The following TRARG1 variants were observed in gnomAD, a reference collection of about 807,000 sequenced individuals.
TRARG1 encodes the protein trafficking regulator of GLUT4 1.
TRARG1 carries 16 observed loss-of-function variants against 13.3 expected under a neutral mutation model. The observed-to-expected ratio is 1.20, with a 90% CI of 0.81 to 1.83. The LOEUF (loss-of-function observed/expected upper bound fraction) is 1.83. Among genes scored for constraint, TRARG1 ranks in the 40% most tolerant of loss-of-function variants. The probability of loss-of-function intolerance (pLI) is 0.00; values close to 1 mark genes in which losing one functional copy is unlikely to be tolerated. For synonymous variants in TRARG1, 113 were observed against 106.2 expected (o/e 1.06, Z -0.39); for missense variants, 250 against 237.4 (o/e 1.05, Z -0.35).
At chr17:1,284,964 G>A (rs1350254630) in intron 1 of TRARG1, among the ~76,000 whole-genome samples, 2 of 152,078 alleles carry the variant, frequency 1.3e-5, no homozygotes, top group Non-Finnish European at 2.9e-5. Flanking sequence ...ACAGGCGTGA[G>A]CCACCACACC....
In TRARG1 at chr17:1,279,994, A is replaced by G. The variant is rs1368400979; in HGVS notation, c.-8A>G. ...CTGGAGCTGCAGCCGCGCAAGGCCC[A>G]GGCCCCCATGGCCCACCCGGTGCAG... On this transcript the variant is annotated 5_prime_UTR_variant, in exon 1 of 3. Transcript: ENST00000333813. 4 of 1,606,814 alleles carry G rather than the reference A, an allele frequency of 2.5e-6. No individual in the cohort carries two copies. Among genetic ancestry groups the G allele is most frequent in the Non-Finnish European group, 2.5e-6 (3 of 1,176,510 alleles).
Position 1,282,209 on chromosome 17 carries a change from TGTACGTATACAC to T in TRARG1, c.387+1824_387+1835del, listed in dbSNP as rs146323448. 7.7e-5 allele frequency among the ~76,000 whole-genome samples: 11 copies of T among 143,042 alleles called. 1 individual carries two copies. Among genetic ancestry groups the T allele is most frequent in the South Asian group, 6.8e-4 (3 of 4,392 alleles). 93.8% of individuals were successfully genotyped at this position (143,042 alleles called of 152,430 possible). A position where few individuals can be genotyped will look rare whatever the true frequency, so the allele number is the denominator to read the frequency against. ...ATATGTACGTGTACACGTGCGTATA[TGTACGTATACAC>T]GTGCGTATATGTACGTATATGCACG... On this transcript the variant is annotated intron_variant, in intron 1 of 2. Transcript: ENST00000333813.
At position 1,279,872 on chromosome 17, in the gene TRARG1, C is replaced by G; in HGVS notation, c.-130C>G. On this transcript the variant is annotated 5_prime_UTR_variant, in exon 1 of 3. Coordinates refer to ENST00000333813, the MANE Select transcript of TRARG1 (RefSeq NM_172367.3). The stretch of plus-strand genomic sequence containing the variant: ...ACCCTTCCAGCACCCAGCCGGCCCT[C>G]CGTCTCCTGAGGGACGCCCCTGCCC... 9.0e-7 allele frequency: 1 copy of G among 1,109,418 alleles called. No homozygotes were observed. The highest frequency in any genetic ancestry group is 1.2e-6 in the Non-Finnish European group (1 of 800,666). 68.7% of individuals were successfully genotyped at this position (1,109,418 alleles called of 1,614,324 possible).
At chr17:1,284,425 G>T (rs922605874) in intron 1 of TRARG1, among the ~76,000 whole-genome samples, 1 of 152,188 alleles carries the variant, frequency 6.6e-6, no homozygotes, top group South Asian at 2.1e-4. Flanking sequence ...TCAGTCTGGG[G>T]CAGGGTGAGA....
At chr17:1,285,216 C>A (rs1487180921) in intron 1 of TRARG1, among the ~76,000 whole-genome samples, 1 of 151,914 alleles carries the variant, frequency 6.6e-6, no homozygotes, top group African/African-American at 2.4e-5. Context: ...TCGAGACCAG[C>A]CTGGCTAACA....
Position 1,280,025 on chromosome 17 carries a change from G to T in TRARG1, c.24G>T (p.Glu8Asp). ...CCATGGCCCACCCGGTGCAGTCCGA[G>T]TTTCCTTCAGCACAGGAGCCAGGCT... is the stretch of plus-strand genomic sequence containing the variant. MAHPVQS[E>D]FPSAQEPGSA... The change falls in exon 1 of 3, where the codon GAG (glutamate) becomes GAT (aspartate). Residue 8 changes from glutamate (E) to aspartate (D), a missense_variant. Physicochemically the swap from Glu to Asp is conservative, Grantham distance 45 (BLOSUM62 2). Coordinates refer to ENST00000333813, the MANE Select transcript of TRARG1 (RefSeq NM_172367.3). 1.2e-6 allele frequency: 2 copies of T among 1,612,914 alleles called. No individual in the cohort carries two copies. The highest frequency in any genetic ancestry group is 1.7e-6 in the Non-Finnish European group (2 of 1,179,792).
In TRARG1 at chr17:1,279,790, G is replaced by A. The variant is rs565522015; in HGVS notation, c.-212G>A. 2.3e-5 allele frequency: 12 copies of A among 518,074 alleles called. No individual in the cohort carries two copies. The highest frequency in any genetic ancestry group is 3.8e-5 in the African/African-American group (2 of 52,174). 32.1% of individuals were successfully genotyped at this position (518,074 alleles called of 1,614,324 possible). A position where few individuals can be genotyped will look rare whatever the true frequency, so the allele number is the denominator to read the frequency against. ...TCCAGCGTCTTTCTGGGAGCTCCGCGGGGGCAGCAGGCAGGCCCCAGCCTC... is the reference window on the plus strand; with the variant it reads ...TCCAGCGTCTTTCTGGGAGCTCCGCAGGGGCAGCAGGCAGGCCCCAGCCTC... On this transcript the variant is annotated 5_prime_UTR_variant, in exon 1 of 3. Transcript: ENST00000333813.
intron 1 of TRARG1, among the ~76,000 whole-genome samples, chr17:1,284,523 C>A (rs2072006710): frequency 6.6e-6 from 1 of 152,108 alleles, no homozygotes; most frequent in African/African-American, 2.4e-5. Flanking sequence ...AGGACCAGGG[C>A]CAGGGACAGG....
At chr17:1,297,027 G>A (rs925203059) in intron 2 of TRARG1, among the ~76,000 whole-genome samples, 1 of 152,106 alleles carries the variant, frequency 6.6e-6, no homozygotes, top group Non-Finnish European at 1.5e-5. Flanking sequence ...GGGTCATCCG[G>A]GTCTGAACTG....
At chr17:1,291,847 G>C (rs1479425170) in intron 1 of TRARG1, among the ~76,000 whole-genome samples, 1 of 152,182 alleles carries the variant, frequency 6.6e-6, no homozygotes, top group African/African-American at 2.4e-5. Context: ...TGTGGAGGTT[G>C]ATACTCGAAC....
chr17:1,291,201 C>G (rs570016915), intron 1 of TRARG1, among the ~76,000 whole-genome samples: 3 of 151,406 alleles, frequency 2.0e-5, no homozygotes, highest in African/African-American at 7.3e-5. Flanking sequence ...ACTTCCGCCT[C>G]CCGGGTTCAA....
At chr17:1,294,694 T>G (rs1009888010) in intron 1 of TRARG1, among the ~76,000 whole-genome samples, 3 of 148,810 alleles carry the variant, frequency 2.0e-5, no homozygotes, top group African/African-American at 7.4e-5. Flanking sequence ...TCAAACTCTT[T>G]TTTTTTTTTT....
rs201277996 is a variant in TRARG1, at chr17:1,281,979, CAT to C, written c.387+1596_387+1597del. Among the ~76,000 whole-genome samples, 839 of 148,614 alleles carry C rather than the reference CAT, an allele frequency of 5.6e-3. 11 individuals are homozygous for C. Among genetic ancestry groups the C allele is most frequent in the South Asian group, 0.024 (108 of 4,540 alleles). ...ACATGTACATATATGCACACGTGTA[CAT>C]ATATGTACATATATACAGATATACA... is the stretch of plus-strand genomic sequence containing the variant. On this transcript the variant is annotated intron_variant, in intron 1 of 2. Coordinates refer to ENST00000333813, the MANE Select transcript of TRARG1 (RefSeq NM_172367.3).
At chr17:1,294,970 C>G (rs559015041) in intron 1 of TRARG1, among the ~76,000 whole-genome samples, 1 of 152,168 alleles carries the variant, frequency 6.6e-6, no homozygotes, top group Non-Finnish European at 1.5e-5. Context: ...AGGCATGAGC[C>G]GCTGCGCCCG....
Position 1,299,344 on chromosome 17 carries a change from A to C in TRARG1, c.*1080A>C, listed in dbSNP as rs2072137993. The C allele has an allele frequency of 6.6e-6, 1 of 152,198 alleles. No homozygotes were observed. Among genetic ancestry groups the C allele is most frequent in the African/African-American group, 2.4e-5 (1 of 41,422 alleles). 9.4% of individuals were successfully genotyped at this position (152,198 alleles called of 1,614,324 possible). A position where few individuals can be genotyped will look rare whatever the true frequency, so the allele number is the denominator to read the frequency against. On this transcript the variant is annotated 3_prime_UTR_variant, in exon 3 of 3. Transcript: ENST00000333813. ...CCAGGCTGTCAGGGGCGTTTGCGCC[A>C]CCTGCAAGGGCGTGGGTCAGAGAGT...
chr17:1,298,517 T>A lies in TRARG1; in HGVS notation c.*253T>A. The A allele has an allele frequency of 2.2e-6, 1 of 445,298 alleles. No individual in the cohort carries two copies. Among genetic ancestry groups the A allele is most frequent in the Non-Finnish European group, 4.0e-6 (1 of 251,320 alleles). 27.6% of individuals were successfully genotyped at this position (445,298 alleles called of 1,614,324 possible). ...TTACTCTCCCGGACGCGTCCTGGGA[T>A]CTCAACCCCAGCAGTCTGGCTTGTT... On this transcript the variant is annotated 3_prime_UTR_variant, in exon 3 of 3. Coordinates refer to ENST00000333813, the MANE Select transcript of TRARG1 (RefSeq NM_172367.3).
At position 1,282,241 on chromosome 17, in the gene TRARG1, TGC is replaced by T. The variant is rs1491348747; in HGVS notation, c.387+1854_387+1855del. Among the ~76,000 whole-genome samples the T allele has an allele frequency of 1.9e-4, 26 of 133,560 alleles. 2 individuals are homozygous for T. The highest frequency in any genetic ancestry group is 8.0e-4 in the African/African-American group (26 of 32,488). 87.6% of individuals were successfully genotyped at this position (133,560 alleles called of 152,430 possible). A position where few individuals can be genotyped will look rare whatever the true frequency, so the allele number is the denominator to read the frequency against. On this transcript the variant is annotated intron_variant, in intron 1 of 2. Transcript: ENST00000333813. ...ATACACGTGCGTATATGTACGTATA[TGC>T]ACGTATATGTACGTATATGTACATA...
chr17:1,289,310 A>C (rs531435575), intron 1 of TRARG1, among the ~76,000 whole-genome samples: 1 of 2,218 alleles, frequency 4.5e-4, no homozygotes, highest in Non-Finnish European at 6.9e-4. Flanking sequence ...CATCCCCCAC[A>C]GGCTCCTCAT....
At position 1,280,239 on chromosome 17, in the gene TRARG1, C is replaced by A. The variant is rs760691629; in HGVS notation, c.238C>A (p.Arg80=). ...LEAPLPRSPS[R]ASSRRASSIA... ...GGCCCCACTGCCTCGGTCCCCCTCC[C>A]GGGCCAGCTCAAGGAGGGCGTCCTC... Residue 80 remains arginine (R), a synonymous_variant, in exon 1 of 3, where the codon CGG becomes AGG. Coordinates refer to ENST00000333813, the MANE Select transcript of TRARG1 (RefSeq NM_172367.3). 1 of 1,614,062 alleles carries A rather than the reference C, an allele frequency of 6.2e-7. No homozygotes were observed. The highest frequency in any genetic ancestry group is 2.2e-5 in the East Asian group (1 of 44,874).
Sources: allele counts gnomAD v4.1 joint callset (sites outside exome capture counted in the v4.1 genomes callset), GRCh38; gene constraint gnomAD v4.1.1; transcripts MANE v1.5; gene names NCBI Gene and HGNC (gene_info 2026-07-23, HGNC 2026-07-21).